The following UNC80 variants were observed in gnomAD, a reference collection of about 807,000 sequenced individuals.
UNC80 encodes unc-80 subunit of NALCN channel complex, also known as protein unc-80 homolog.
UNC80 carries 164 observed loss-of-function variants against 384.6 expected under a neutral mutation model. That is an observed-to-expected ratio of 0.43 (90% CI 0.38 to 0.49). The LOEUF (loss-of-function observed/expected upper bound fraction) is 0.49. Ranked by LOEUF, UNC80 falls within the 20% of genes least tolerant of loss-of-function variation. The pLI is 0.00. For synonymous variants in UNC80, 1,486 were observed against 1,527.8 expected (o/e 0.97, Z 0.64); for missense variants, 3,330 against 4,143.0 (o/e 0.80, Z 5.39).
intron 28 of UNC80, among the ~76,000 whole-genome samples, 178 bp downstream of exon 28, chr2:209,896,591 G>T (rs538925281): frequency 9.4e-4 from 143 of 152,150 alleles, no homozygotes; most frequent in Non-Finnish European, 2.0e-3. Flanking sequence ...TATTCTGCTG[G>T]ATTGTACTCA....
intron 47 of UNC80, among the ~76,000 whole-genome samples, chr2:209,951,833 A>AT: frequency 6.6e-6 from 1 of 151,934 alleles, no homozygotes; most frequent in African/African-American, 2.4e-5. Flanking sequence ...ATGTATATGT[A>AT]TTTTTTCCTC....
chr2:209,875,369 T>A (rs1018615423), intron 23 of UNC80, among the ~76,000 whole-genome samples: 2 of 152,212 alleles, frequency 1.3e-5, no homozygotes, highest in African/African-American at 4.8e-5. Flanking sequence ...TTATGAGTGA[T>A]GAACTGAAAT....
chr2:209,809,517 C>T (rs550314801), intron 7 of UNC80: 2 of 1,115,042 alleles, frequency 1.8e-6, no homozygotes, highest in East Asian at 2.4e-5. Flanking sequence ...GCGCTCGAAC[C>T]TTCTCCCGAA....
At chr2:209,835,058 C>A in intron 18 of UNC80, 48 bp downstream of exon 18, 1 of 1,387,442 alleles carries the variant, frequency 7.2e-7, no homozygotes, top group Non-Finnish European at 9.9e-7. Context: ...ATGCACTTCA[C>A]TCTGGAAGAA....
chr2:209,965,489 A>G (rs1216805228), intron 51 of UNC80, among the ~76,000 whole-genome samples: 1 of 149,318 alleles, frequency 6.7e-6, no homozygotes, highest in Non-Finnish European at 1.5e-5. Flanking sequence ...TTTTTTAGAC[A>G]GAGTCTTGCT....
intron 3 of UNC80, 39 bp from the exon 4 acceptor site, chr2:209,777,219 G>A: frequency 6.5e-7 from 1 of 1,537,248 alleles, no homozygotes; most frequent in Non-Finnish European, 8.7e-7. Context: ...CCTGGTCACA[G>A]AGTTTTTCTT....
At chr2:209,961,921 G>T (rs1316746417) in intron 51 of UNC80, among the ~76,000 whole-genome samples, 1 of 152,158 alleles carries the variant, frequency 6.6e-6, no homozygotes, top group African/African-American at 2.4e-5. Context: ...TACAGGGGAA[G>T]CTCTCCATTT....
rs35807077 is a variant in UNC80 at position 209,883,426 on chromosome 2, C to CTTT, written c.4110+2352_4110+2354dup. On this transcript the variant is annotated intron_variant, in intron 25 of 64. Transcript: ENST00000673920. ...AGTCCCTGGCAACCACCATTCCACT[C>CTTT]TTTTTTTTTTTTTTTTTTTTTTGAG... 4.6e-3 allele frequency among the ~76,000 whole-genome samples: 461 copies of CTTT among 100,494 alleles called. 4 individuals carry two copies. Among genetic ancestry groups the CTTT allele is most frequent in the East Asian group, 7.5e-3 (24 of 3,198 alleles). The allele number at this position is 100,494 out of a possible 152,430, so 65.9% of individuals were successfully genotyped here.
chr2:209,994,017 C>T (rs186953275), intron 63 of UNC80, 48 bp from the exon 64 acceptor site: 12 of 1,490,060 alleles, frequency 8.1e-6, no homozygotes, highest in Admixed American at 4.5e-5. Context: ...ATTGACGGTC[C>T]GTTTCCACCA....
intron 14 of UNC80, 88 bp downstream of exon 14, chr2:209,826,141 T>A (rs760702065): frequency 7.5e-7 from 1 of 1,331,446 alleles, no homozygotes; most frequent in Non-Finnish European, 1.0e-6. Flanking sequence ...GGGTCAGTGT[T>A]CCCTGAAAAA....
At chr2:209,977,114 C>A in intron 58 of UNC80, 36 bp downstream of exon 58, 1 of 1,451,118 alleles carries the variant, frequency 6.9e-7, no homozygotes. Context: ...ATTTGTTTGA[C>A]TAATGGAACT....
intron 13 of UNC80, 129 bp from the exon 14 acceptor site, chr2:209,825,778 G>T: frequency 1.2e-6 from 1 of 834,988 alleles, no homozygotes. Context: ...TTACAATTCT[G>T]TTTTCCAAAT....
Position 209,976,633 on chromosome 2 carries a change from C to A in UNC80, c.8773-280C>A, listed in dbSNP as rs73080867. On this transcript the variant is annotated intron_variant, in intron 57 of 64. Transcript: ENST00000673920. The surrounding 1 kb of genome is among the most constrained non-coding windows in gnomAD (Gnocchi z 4.3). ...CTATCTTCAGTGACATGACTGAGAT[C>A]TGATTTTAAATAAACATAAGAAAAA... is the stretch of plus-strand genomic sequence containing the variant. 4.0e-3 allele frequency among the ~76,000 whole-genome samples: 592 copies of A among 148,638 alleles called. 5 individuals are homozygous for A. The highest frequency in any genetic ancestry group is 0.015 in the African/African-American group (565 of 38,164).
At chr2:209,838,954 C>T (rs1319268893) in intron 18 of UNC80, among the ~76,000 whole-genome samples, 1 of 152,024 alleles carries the variant, frequency 6.6e-6, no homozygotes, top group African/African-American at 2.4e-5. Flanking sequence ...AGATGAATAC[C>T]TGCAATAATA....
chr2:209,929,666 A>G (rs1174669195), intron 36 of UNC80, among the ~76,000 whole-genome samples: 1 of 152,208 alleles, frequency 6.6e-6, no homozygotes, highest in Non-Finnish European at 1.5e-5. Context: ...CAACTCCTAC[A>G]CTTTTTGGTA....
At chr2:209,937,142 A>T (rs926872745) in intron 41 of UNC80, among the ~76,000 whole-genome samples, 7 of 152,222 alleles carry the variant, frequency 4.6e-5, no homozygotes, top group Non-Finnish European at 1.0e-4. Context: ...GAAGGTAATG[A>T]TAATGGTATC....
At chr2:209,869,418 A>T (rs1206097164) in intron 22 of UNC80, among the ~76,000 whole-genome samples, 2 of 152,156 alleles carry the variant, frequency 1.3e-5, no homozygotes, top group African/African-American at 4.8e-5. Context: ...GCTGTTGCAC[A>T]CACATTGCAA....
chr2:209,925,832 G>T (rs904940717), intron 35 of UNC80, among the ~76,000 whole-genome samples: 7 of 151,870 alleles, frequency 4.6e-5, no homozygotes, highest in South Asian at 2.1e-4. Context: ...TCAAAGCCCA[G>T]ACTGAGAATG....
chr2:209,787,675 A>G (rs2077525483), intron 5 of UNC80, among the ~76,000 whole-genome samples: 1 of 152,180 alleles, frequency 6.6e-6, no homozygotes, highest in Non-Finnish European at 1.5e-5. Context: ...TGCTGGTTTA[A>G]ACAAACCTAC....
Sources: gnomAD v4.1 joint callset for allele counts (sites outside exome capture counted in the v4.1 genomes callset) on GRCh38, gnomAD v4.1.1 for gene constraint, Gnocchi (gnomAD v3.1) non-coding constraint, MANE v1.5 for transcripts, NCBI Gene and HGNC (gene_info 2026-07-23, HGNC 2026-07-21) for gene names.